Variants in RUNDC3B observed in about 807,000 individuals in gnomAD.
RUNDC3B encodes RUN domain-containing protein 3B.
RUNDC3B carries 33 observed loss-of-function variants against 58.4 expected under a neutral mutation model. The ratio of observed to expected loss-of-function variants is 0.56; its 90% CI spans 0.43 to 0.75. RUNDC3B has a LOEUF of 0.75. Among genes scored for constraint, RUNDC3B ranks in the 30% least tolerant of loss-of-function variants. The probability of loss-of-function intolerance (pLI) is 0.00; values close to 1 mark genes in which losing one functional copy is unlikely to be tolerated. For synonymous variants in RUNDC3B, 193 were observed against 195.2 expected (o/e 0.99, Z 0.10); for missense variants, 501 against 535.7 (o/e 0.94, Z 0.64).
intron 8 of RUNDC3B, among the ~76,000 whole-genome samples, chr7:87,778,196 A>G (rs993313746): frequency 3.3e-5 from 5 of 152,110 alleles, no homozygotes; most frequent in African/African-American, 1.2e-4. Context: ...TAATCCCCCC[A>G]CTGGGGAGGC....
At chr7:87,795,858 C>G (rs1835790407) in intron 8 of RUNDC3B, among the ~76,000 whole-genome samples, 1 of 152,120 alleles carries the variant, frequency 6.6e-6, no homozygotes, top group Admixed American at 6.6e-5. Context: ...CCACTGCACT[C>G]CAGCCTGAGC....
chr7:87,703,627 C>T (rs1282506627), intron 3 of RUNDC3B, among the ~76,000 whole-genome samples: 1 of 151,918 alleles, frequency 6.6e-6, no homozygotes, highest in Non-Finnish European at 1.5e-5. Flanking sequence ...CGTATTTAAG[C>T]CAGTAAATTT....
intron 10 of RUNDC3B, among the ~76,000 whole-genome samples, chr7:87,826,848 C>G (rs1049009973): frequency 3.3e-5 from 5 of 152,004 alleles, no homozygotes; most frequent in African/African-American, 1.2e-4. Flanking sequence ...CTGGTGACTT[C>G]CAGGCAAAAA....
intron 2 of RUNDC3B, among the ~76,000 whole-genome samples, chr7:87,661,284 T>G (rs965321698): frequency 6.6e-6 from 1 of 151,942 alleles, no homozygotes; most frequent in South Asian, 2.1e-4. Context: ...ACTCTTTTAG[T>G]TATTTTTAAA....
chr7:87,691,511 T>C (rs1173986453), intron 2 of RUNDC3B, among the ~76,000 whole-genome samples: 1 of 152,180 alleles, frequency 6.6e-6, no homozygotes, highest in African/African-American at 2.4e-5. Context: ...ACTGTTTCAC[T>C]TTCTTTTAAC....
intron 1 of RUNDC3B, among the ~76,000 whole-genome samples, chr7:87,643,630 C>T (rs889669968): frequency 6.6e-6 from 1 of 151,848 alleles, no homozygotes; most frequent in Non-Finnish European, 1.5e-5. Context: ...AAGCAATTTT[C>T]CTGCCTCAGC....
At chr7:87,657,988 A>G (rs1824287487) in intron 2 of RUNDC3B, among the ~76,000 whole-genome samples, 1 of 152,140 alleles carries the variant, frequency 6.6e-6, no homozygotes, top group Non-Finnish European at 1.5e-5. Context: ...CATAATATAA[A>G]TATGTCCAGC....
chr7:87,800,025 C>T (rs529668742), intron 8 of RUNDC3B, among the ~76,000 whole-genome samples: 2 of 152,264 alleles, frequency 1.3e-5, no homozygotes, highest in Non-Finnish European at 2.9e-5. Context: ...AAACTTTCCT[C>T]ATAGCCCAAG....
chr7:87,722,613 A>C (rs1830969465), intron 4 of RUNDC3B, among the ~76,000 whole-genome samples: 1 of 152,156 alleles, frequency 6.6e-6, no homozygotes, highest in Admixed American at 6.6e-5. Context: ...GATTACCATA[A>C]TTCCTTTGAC....
At chr7:87,670,187 A>C (rs1227563893) in intron 2 of RUNDC3B, among the ~76,000 whole-genome samples, 1 of 151,742 alleles carries the variant, frequency 6.6e-6, no homozygotes, top group African/African-American at 2.4e-5. Context: ...CTCTTTCATT[A>C]TTTTCATCTG....
intron 2 of RUNDC3B, among the ~76,000 whole-genome samples, chr7:87,665,349 G>T (rs1450420387): frequency 1.3e-5 from 2 of 151,936 alleles, no homozygotes; most frequent in Admixed American, 1.3e-4. Flanking sequence ...CATCAGAAAA[G>T]AATAATATAC....
intron 10 of RUNDC3B, among the ~76,000 whole-genome samples, chr7:87,821,405 G>T (rs1017506563): frequency 3.9e-5 from 6 of 152,130 alleles, no homozygotes; most frequent in Non-Finnish European, 8.8e-5. Context: ...ACAAACAAAT[G>T]GAAGAACACT....
chr7:87,658,564 A>G (rs28746492), intron 2 of RUNDC3B, among the ~76,000 whole-genome samples: 7,297 of 152,266 alleles, frequency 0.048, 256 homozygotes, highest in African/African-American at 0.081. Flanking sequence ...GAAAAATTCA[A>G]ATAAATTCAT....
chr7:87,677,969 C>T (rs1472760242), intron 2 of RUNDC3B, among the ~76,000 whole-genome samples: 3 of 151,950 alleles, frequency 2.0e-5, no homozygotes, highest in African/African-American at 7.3e-5. Flanking sequence ...GAGATGAGGA[C>T]AAAATAAAGA....
intron 6 of RUNDC3B, among the ~76,000 whole-genome samples, chr7:87,749,566 A>G (rs1467172704): frequency 6.6e-6 from 1 of 152,150 alleles, no homozygotes; most frequent in African/African-American, 2.4e-5. Context: ...AAGAACCAAT[A>G]CTTTACAAAT....
chr7:87,690,983 A>G (rs1827960825), intron 2 of RUNDC3B, among the ~76,000 whole-genome samples: 1 of 152,176 alleles, frequency 6.6e-6, no homozygotes, highest in African/African-American at 2.4e-5. Context: ...CTAAAGGTTT[A>G]CTTTTTGCAT....
chr7:87,761,432 G>A (rs970870098), intron 6 of RUNDC3B, among the ~76,000 whole-genome samples: 5 of 151,840 alleles, frequency 3.3e-5, no homozygotes, highest in African/African-American at 1.2e-4. Context: ...GTTAAATACA[G>A]AATTACCACA....
intron 3 of RUNDC3B, among the ~76,000 whole-genome samples, chr7:87,709,859 C>T (rs1309978089): frequency 2.0e-5 from 3 of 152,094 alleles, no homozygotes; most frequent in African/African-American, 7.2e-5. Flanking sequence ...CAAATATGAT[C>T]TCTTATATTC....
At chr7:87,706,275 G>A (rs2130723338) in intron 3 of RUNDC3B, among the ~76,000 whole-genome samples, 1 of 152,226 alleles carries the variant, frequency 6.6e-6, no homozygotes, top group African/African-American at 2.4e-5. Flanking sequence ...CAGTGGGGGA[G>A]CTACTTGAGA....
Sources: allele counts gnomAD v4.1 joint callset (sites outside exome capture counted in the v4.1 genomes callset), GRCh38; gene constraint gnomAD v4.1.1; transcripts MANE v1.5; gene names NCBI Gene and HGNC (gene_info 2026-07-23, HGNC 2026-07-21).